Variants in ALDH2 observed in about 807,000 individuals in gnomAD.
ALDH2 encodes aldehyde dehydrogenase, mitochondrial.
In ALDH2, 44 loss-of-function variants were observed where a neutral mutation model predicts 59.6. That is an observed-to-expected ratio of 0.74 (90% CI 0.58 to 0.95). The LOEUF (loss-of-function observed/expected upper bound fraction) is 0.95, where lower values mean the gene tolerates loss of function less well. ALDH2 is among the 40% of genes least tolerant of loss of function. The probability of loss-of-function intolerance (pLI) is 0.00; values close to 1 mark genes in which losing one functional copy is unlikely to be tolerated. For missense variants in ALDH2, 570 were observed against 696.3 expected, an observed-to-expected ratio of 0.82 and a Z score of 2.04; for synonymous variants, 291 against 284.0, an observed-to-expected ratio of 1.02 and a Z score of -0.25.
chr12:111,798,054 A>G (rs2068419572), intron 9 of ALDH2, 24 bp from the exon 10 acceptor site: 8 of 1,613,924 alleles, frequency 5.0e-6, no homozygotes, highest in Non-Finnish European at 6.8e-6. Flanking sequence ...ATGTCTCCAT[A>G]ACTCTGGGTT....
In ALDH2 at chr12:111,803,937, C is replaced by T. The variant is rs747970101; in HGVS notation, c.1485C>T (p.Gly495=). The T allele has an allele frequency of 3.1e-6, 5 of 1,612,064 alleles. No homozygotes were observed. Among genetic ancestry groups the T allele is most frequent in the Admixed American group, 1.7e-5 (1 of 59,750 alleles). ...YKMSGSGREL[G]EYGLQAYTEV... ...TGTCGGGGAGTGGCCGGGAGTTGGG[C>T]GAGTACGGGCTGCAGGCATACACTG... Residue 495 remains glycine (G), a synonymous_variant, in exon 12 of 13, where the codon GGC becomes GGT. Transcript: ENST00000261733.
chr12:111,792,517 G>A, intron 8 of ALDH2, 81 bp from the exon 9 acceptor site: 1 of 1,464,324 alleles, frequency 6.8e-7, no homozygotes. Flanking sequence ...GGTGGGAACA[G>A]GCTCCATTGG....
At chr12:111,804,054 G>A (rs2136027187) in intron 12 of ALDH2, 81 bp downstream of exon 12, 1 of 1,005,194 alleles carries the variant, frequency 9.9e-7, no homozygotes, top group East Asian at 3.0e-5. Context: ...CTGGGGGATT[G>A]GGGTCTGTTG....
chr12:111,772,403 C>T (rs1352408206), intron 1 of ALDH2, among the ~76,000 whole-genome samples: 7 of 152,030 alleles, frequency 4.6e-5, no homozygotes, highest in Non-Finnish European at 1.0e-4. Flanking sequence ...CTCACTCTGT[C>T]GCCCGGGCTG....
intron 10 of ALDH2, among the ~76,000 whole-genome samples, chr12:111,799,496 A>T (rs1267678402): frequency 6.7e-6 from 1 of 148,954 alleles, no homozygotes; most frequent in Non-Finnish European, 1.5e-5. Flanking sequence ...TTGAGTAAAG[A>T]CAGGGTCTCT....
rs140392982 is a variant in ALDH2 at position 111,768,456 on chromosome 12, C to A, written c.114+1360C>A. On this transcript the variant is annotated intron_variant, in intron 1 of 12. Transcript: ENST00000261733. ...AATTTTTAAAAGGATAAAATAAAATCTTTTGCATAACACAAGCTAAAAAGG... is the reference window on the plus strand; with the variant it reads ...AATTTTTAAAAGGATAAAATAAAATATTTTGCATAACACAAGCTAAAAAGG... Among the ~76,000 whole-genome samples the A allele has an allele frequency of 1.5e-3, 227 of 152,336 alleles. 2 individuals are homozygous for A. The highest frequency in any genetic ancestry group is 4.7e-3 in the African/African-American group (196 of 41,578).
At chr12:111,770,143 CA>C (rs5800933) in intron 1 of ALDH2, among the ~76,000 whole-genome samples, 263 of 137,460 alleles carry the variant, frequency 1.9e-3, no homozygotes, top group Middle Eastern at 3.7e-3. Flanking sequence ...GACTCCATCT[CA>C]AAAAAAAAAA....
chr12:111,793,591 T>G (rs975192421), intron 9 of ALDH2, among the ~76,000 whole-genome samples: 2 of 152,002 alleles, frequency 1.3e-5, no homozygotes, highest in African/African-American at 2.4e-5. Context: ...TCGGGTTTTT[T>G]TTTTTAATTT....
At position 111,803,873 on chromosome 12, in the gene ALDH2, A is replaced by G. The variant is rs1454299460; in HGVS notation, c.1421A>G (p.Asp474Gly). ...TCAAATTACAGGGTCAACTGCTATG[A>G]TGTGTTTGGAGCCCAGTCACCCTTT... ...QAGTVWVNCY[D>G]VFGAQSPFGG... is the part of the protein sequence containing the mutation. Residue 474 changes from aspartate to glycine, a missense_variant, in exon 12 of 13, where the codon GAT (aspartate) becomes GGT (glycine). Asp to Gly is a moderately conservative substitution (Grantham distance 94). Transcript: ENST00000261733. 6.2e-7 allele frequency: 1 copy of G among 1,612,126 alleles called. No individual in the cohort carries two copies. The highest frequency in any genetic ancestry group is 8.5e-7 in the Non-Finnish European group (1 of 1,179,084).
chr12:111,778,608 C>T (rs1053689744), intron 1 of ALDH2, among the ~76,000 whole-genome samples: 12 of 150,448 alleles, frequency 8.0e-5, no homozygotes, highest in African/African-American at 2.0e-4. Flanking sequence ...CCCAGACGGG[C>T]GGATCACGAG....
chr12:111,775,893 G>A (rs1294554835), intron 1 of ALDH2, among the ~76,000 whole-genome samples: 2 of 152,258 alleles, frequency 1.3e-5, no homozygotes, highest in Admixed American at 6.5e-5. Flanking sequence ...CACTGAGTCT[G>A]GCTCTGGGAG....
chr12:111,791,224 T>G, intron 6 of ALDH2, 82 bp from the exon 7 acceptor site: 116 of 1,048,486 alleles, frequency 1.1e-4, no homozygotes, highest in East Asian at 3.4e-4. Flanking sequence ...CCACCCTCTC[T>G]GAGAAAGGAT....
intron 1 of ALDH2, among the ~76,000 whole-genome samples, chr12:111,770,258 G>A (rs569923445): frequency 6.6e-6 from 1 of 152,180 alleles, no homozygotes; most frequent in Non-Finnish European, 1.5e-5. Context: ...ATGGCCACTG[G>A]TGCCTCCATA....
Position 111,803,857 on chromosome 12 carries a change from A to G in ALDH2, c.1407-2A>G. On this transcript the variant is annotated splice_acceptor_variant, in intron 11 of 12. Coordinates refer to ENST00000261733, the MANE Select transcript of ALDH2 (RefSeq NM_000690.4). LOFTEE classifies it high-confidence loss of function. ...TTTCTGCAATCTCGTTTCAAATTAC[A>G]GGGTCAACTGCTATGATGTGTTTGG... The G allele has an allele frequency of 1.9e-6, 3 of 1,602,054 alleles. No homozygotes were observed. The South Asian group carries it at 3.4e-5, about 18-fold the overall frequency.
chr12:111,784,001 C>T (rs2068292799), intron 3 of ALDH2, among the ~76,000 whole-genome samples: 2 of 152,208 alleles, frequency 1.3e-5, no homozygotes, highest in South Asian at 4.1e-4. Flanking sequence ...ACAATTGATT[C>T]TGCACACAGA....
intron 1 of ALDH2, among the ~76,000 whole-genome samples, chr12:111,781,683 T>G (rs1220201047): frequency 1.3e-5 from 2 of 152,218 alleles, no homozygotes; most frequent in African/African-American, 4.8e-5. Context: ...AACATTCTCT[T>G]CATTTTTTAA....
At chr12:111,792,407 C>T (rs1395979614) in intron 8 of ALDH2, among the ~76,000 whole-genome samples, 191 bp from the exon 9 acceptor site, 1 of 152,232 alleles carries the variant, frequency 6.6e-6, no homozygotes, top group African/African-American at 2.4e-5. Context: ...ATCCACTTGC[C>T]GCCATCACGC....
Position 111,791,950 on chromosome 12 carries a change from C to T in ALDH2, c.796-111C>T, listed in dbSNP as rs534435914. 1.2e-3 allele frequency: 885 copies of T among 725,378 alleles called. 1 individual carries two copies. The highest frequency in any genetic ancestry group is 1.4e-3 in the Non-Finnish European group (563 of 407,428). 44.9% of individuals were successfully genotyped at this position (725,378 alleles called of 1,614,324 possible). A position where few individuals can be genotyped will look rare whatever the true frequency, so the allele number is the denominator to read the frequency against. ...ATTTGGTGAAATTCTCTAGGTCTCTCGTGGTCCAGTTGCTCACTCAAGCTG... is the reference window on the plus strand; with the variant it reads ...ATTTGGTGAAATTCTCTAGGTCTCTTGTGGTCCAGTTGCTCACTCAAGCTG... On this transcript the variant is annotated intron_variant, in intron 7 of 12. Transcript: ENST00000261733.
chr12:111,786,553 ATT>A (rs1360542208), intron 4 of ALDH2, among the ~76,000 whole-genome samples: 1 of 131,540 alleles, frequency 7.6e-6, no homozygotes, highest in Non-Finnish European at 1.6e-5. Context: ...GATAATTTTA[ATT>A]TTTTTTTTTT....
Sources: allele counts gnomAD v4.1 joint callset (sites outside exome capture counted in the v4.1 genomes callset), GRCh38; gene constraint gnomAD v4.1.1; transcripts MANE v1.5; gene names NCBI Gene and HGNC (gene_info 2026-07-23, HGNC 2026-07-21).